SPRY3: variants seen among roughly 807,000 people sequenced by gnomAD.
The protein encoded by SPRY3 is protein sprouty homolog 3.
Under a neutral mutation model 20.2 loss-of-function variants are expected in SPRY3, and 15 were observed. The ratio of observed to expected loss-of-function variants is 0.74; its 90% CI spans 0.50 to 1.14. The LOEUF (loss-of-function observed/expected upper bound fraction) is 1.14, where lower values mean the gene tolerates loss of function less well. SPRY3 is among the 50% of genes most tolerant of loss of function. The probability of loss-of-function intolerance (pLI) is 0.00; values close to 1 mark genes in which losing one functional copy is unlikely to be tolerated. For synonymous variants in SPRY3, 143 were observed against 136.5 expected (o/e 1.05, Z -0.33); for missense variants, 364 against 363.9 (o/e 1.00, Z 0.00).
At chrX:155,692,544 T>TATCA (rs770765685) in intron 2 of SPRY3, among the ~76,000 whole-genome samples, 3 of 111,538 alleles carry the variant, frequency 2.7e-5, no homozygotes, top group Middle Eastern at 4.2e-3. Flanking sequence ...TAAATTATAC[T>TATCA]ATCAACTTGT....
intron 2 of SPRY3, among the ~76,000 whole-genome samples, chrX:155,734,453 A>C (rs2124566776): frequency 6.6e-6 from 1 of 152,222 alleles, no homozygotes; most frequent in Non-Finnish European, 1.5e-5. Flanking sequence ...GTAACGTCAA[A>C]GATAATTGAA....
chrX:155,758,705 A>G (rs1173287859), intron 2 of SPRY3, among the ~76,000 whole-genome samples: 3 of 152,212 alleles, frequency 2.0e-5, no homozygotes. Context: ...ATTTGTGTGG[A>G]AGCATGTGTT....
At chrX:155,622,481 G>C (rs1473761605) in intron 1 of SPRY3, among the ~76,000 whole-genome samples, 1 of 111,532 alleles carries the variant, frequency 9.0e-6, no homozygotes, top group East Asian at 2.8e-4. Context: ...TCATTCTGTA[G>C]TGGAACCCAA....
chrX:155,639,718 G>T (rs1212008125), intron 1 of SPRY3, among the ~76,000 whole-genome samples: 1 of 111,549 alleles, frequency 9.0e-6, no homozygotes, highest in African/African-American at 3.3e-5. Flanking sequence ...AATTATTTTG[G>T]GTATATACTC....
chrX:155,742,991 C>A (rs746914223), intron 2 of SPRY3, among the ~76,000 whole-genome samples: 1 of 151,846 alleles, frequency 6.6e-6, no homozygotes, highest in East Asian at 1.9e-4. Context: ...TTGAAGGAGA[C>A]AGAGAAACAA....
Position 155,698,777 on chromosome X carries a change from A to G in SPRY3, c.-282+41752A>G, listed in dbSNP as rs1156759759. Among the ~76,000 whole-genome samples, 8 of 111,962 alleles carry G rather than the reference A, an allele frequency of 7.1e-5. No individual in the cohort carries two copies. In the East Asian group the frequency reaches 2.3e-3, roughly 32 times the overall value. Reference sequence around the variant, plus strand: ...ATATTTTGTGACTCTTTCCTTCCCCATTTGCACTAGAGACAATCTGGTTAG... The same window carrying G: ...ATATTTTGTGACTCTTTCCTTCCCCGTTTGCACTAGAGACAATCTGGTTAG... On this transcript the variant is annotated intron_variant, in intron 2 of 3. Transcript: ENST00000675360.
At chrX:155,723,136 T>A (rs2091072628) in intron 2 of SPRY3, among the ~76,000 whole-genome samples, 1 of 152,210 alleles carries the variant, frequency 6.6e-6, no homozygotes. Flanking sequence ...GGCTGCATAG[T>A]ATTCCATGGT....
intron 2 of SPRY3, among the ~76,000 whole-genome samples, chrX:155,766,654 A>T (rs2091332226): frequency 1.3e-5 from 2 of 152,160 alleles, no homozygotes; most frequent in Admixed American, 6.5e-5. Flanking sequence ...CAGAAGAAAG[A>T]TCCTTTCCTA....
At chrX:155,755,888 A>C (rs4893817) in intron 2 of SPRY3, among the ~76,000 whole-genome samples, 1 of 151,986 alleles carries the variant, frequency 6.6e-6, no homozygotes, top group Admixed American at 6.6e-5. Flanking sequence ...AAGGAGAAGA[A>C]AGTTAGAAGG....
chrX:155,725,030 G>T (rs1225175942), intron 2 of SPRY3, among the ~76,000 whole-genome samples: 5 of 152,068 alleles, frequency 3.3e-5, no homozygotes, highest in Non-Finnish European at 7.4e-5. Context: ...TAGCATGAAG[G>T]GCTGTTGAAT....
chrX:155,774,556 T>G (rs759182724), exon 4 of SPRY3: 1 of 1,613,944 alleles, frequency 6.2e-7, no homozygotes, highest in Non-Finnish European at 8.5e-7. Flanking sequence ...GAGCCTCATC[T>G]CCCTCTTCCT....
chrX:155,780,428 C>G (rs1461087198), downstream of SPRY3: 2 of 166,970 alleles, frequency 1.2e-5, no homozygotes, highest in African/African-American at 2.4e-5. Context: ...TACTTTAATC[C>G]TCATCTTCAA....
intron 2 of SPRY3, among the ~76,000 whole-genome samples, chrX:155,687,308 G>A (rs2068090441): frequency 8.9e-6 from 1 of 112,705 alleles, no homozygotes; most frequent in African/African-American, 3.2e-5. Flanking sequence ...TAGGCTTTGA[G>A]CCTGACTGAC....
At chrX:155,692,934 T>C (rs1308718466) in intron 2 of SPRY3, among the ~76,000 whole-genome samples, 1 of 111,299 alleles carries the variant, frequency 9.0e-6, no homozygotes, top group Non-Finnish European at 1.9e-5. Context: ...TTGATCTATC[T>C]GGATGTTTGT....
chrX:155,768,549 G>A (rs969766515), intron 3 of SPRY3, among the ~76,000 whole-genome samples: 2 of 152,178 alleles, frequency 1.3e-5, no homozygotes, highest in East Asian at 1.9e-4. Context: ...TGTCAGCATG[G>A]GGCTAGCCTC....
intron 1 of SPRY3, among the ~76,000 whole-genome samples, chrX:155,649,974 TAGAG>T (rs1163616734): frequency 4.5e-5 from 5 of 110,264 alleles, no homozygotes; most frequent in African/African-American, 1.3e-4. Context: ...ATACCAATAA[TAGAG>T]AGCCAAATCA....
chrX:155,678,465 G>A (rs145644437), intron 2 of SPRY3, among the ~76,000 whole-genome samples: 4 of 111,521 alleles, frequency 3.6e-5, no homozygotes, highest in African/African-American at 6.5e-5. Context: ...TATCTAATTC[G>A]AATGTCCTTT....
At chrX:155,738,229 G>A (rs1165058251) in intron 2 of SPRY3, among the ~76,000 whole-genome samples, 3 of 151,772 alleles carry the variant, frequency 2.0e-5, no homozygotes, top group Non-Finnish European at 4.4e-5. Context: ...CTGGGAAAAA[G>A]ATGTTAAGAG....
At chrX:155,628,799 A>C (rs1229060652) in intron 1 of SPRY3, among the ~76,000 whole-genome samples, 3 of 111,187 alleles carry the variant, frequency 2.7e-5, no homozygotes, top group Admixed American at 1.9e-4. Context: ...CCTCACCAAC[A>C]CTTGTTATCT....
Sources: gnomAD v4.1 joint callset for allele counts (sites outside exome capture counted in the v4.1 genomes callset) on GRCh38, gnomAD v4.1.1 for gene constraint, MANE v1.5 for transcripts, NCBI Gene and HGNC (gene_info 2026-07-23, HGNC 2026-07-21) for gene names.